MVB12A: variants seen among roughly 807,000 people sequenced by gnomAD.
MVB12A encodes the protein CIN85/CD2AP family binding protein.
In MVB12A, 30 loss-of-function variants were observed where a neutral mutation model predicts 34.3. That is an observed-to-expected ratio of 0.88 (90% CI 0.65 to 1.19). MVB12A has a LOEUF of 1.19. Among genes scored for constraint, MVB12A ranks in the 50% most tolerant of loss-of-function variants. The pLI, the probability that MVB12A is intolerant of heterozygous loss-of-function variation, is 0.00. For missense variants in MVB12A, 355 were observed against 369.2 expected (o/e 0.96, Z 0.31); for synonymous variants, 158 against 158.9 (o/e 0.99, Z 0.04).
At chr19:17,411,255 C>T (rs1403920762) in intron 2 of MVB12A, among the ~76,000 whole-genome samples, 7 of 152,044 alleles carry the variant, frequency 4.6e-5, no homozygotes, top group South Asian at 2.1e-4. Flanking sequence ...CGTGAGCCAC[C>T]GTGCCCGGCC....
At chr19:17,420,031 T>A (rs1205209137), upstream of MVB12A, 20 of 209,462 alleles carry the variant, frequency 9.5e-5, no homozygotes, top group East Asian at 2.3e-4. Flanking sequence ...CCCCCCCGCA[T>A]GGCCTTCTGG....
chr19:17,410,528 A>G (rs1171207683), intron 2 of MVB12A, among the ~76,000 whole-genome samples: 1 of 121,040 alleles, frequency 8.3e-6, no homozygotes, highest in Non-Finnish European at 1.6e-5. Flanking sequence ...ATATATATAT[A>G]TACACACACA....
upstream of MVB12A, chr19:17,418,887 C>CGAAAAAAAAAA (rs2074818429): frequency 1.5e-4 from 12 of 82,144 alleles, 1 homozygote; most frequent in African/African-American, 5.1e-4. Flanking sequence ...ATTGTAAGTC[C>CGAAAAAAAAAA]AAAAAAAAAA....
chr19:17,421,271 G>A (rs1487171190), intron 3 of MVB12A: 6 of 338,240 alleles, frequency 1.8e-5, no homozygotes, highest in East Asian at 1.7e-4. Flanking sequence ...CACAACCTCC[G>A]ACTCCCGGGT....
At position 17,425,275 on chromosome 19, in the gene MVB12A, T is replaced by G; in HGVS notation, c.*282T>G. On this transcript the variant is annotated 3_prime_UTR_variant, in exon 9 of 9. Transcript: ENST00000317040. The stretch of plus-strand genomic sequence containing the variant: ...TTAAGTCATTTGTGTCAAAACCCTC[T>G]GGGGTCCGGAGGCTGTGCGGGTGTC... The G allele has an allele frequency of 2.3e-6, 1 of 435,506 alleles. No homozygotes were observed. Among genetic ancestry groups the G allele is most frequent in the East Asian group, 3.9e-5 (1 of 25,802 alleles). The allele number at this position is 435,506 out of a possible 1,614,324, so 27.0% of individuals were successfully genotyped here.
At chr19:17,419,912 A>C (rs2074824625), upstream of MVB12A, 2 of 392,604 alleles carry the variant, frequency 5.1e-6, no homozygotes, top group Non-Finnish European at 9.0e-6. Flanking sequence ...ATCATCGCTC[A>C]CGCGCGCAAC....
At chr19:17,423,964 G>T in intron 6 of MVB12A, 42 bp from the exon 7 acceptor site, 2 of 1,609,772 alleles carry the variant, frequency 1.2e-6, no homozygotes, top group Non-Finnish European at 8.5e-7. Context: ...GGGGTGGGCA[G>T]TTCCCTACAC....
Position 17,422,676 on chromosome 19 carries a change from C to T in MVB12A, c.413+218C>T, listed in dbSNP as rs144047700. On this transcript the variant is annotated intron_variant, in intron 4 of 8. Transcript: ENST00000317040. ...CTAAAGTAGACATAACAGGACTGGGCGCGGTGGCTCACGCCTGTAATCCCA... is the reference window on the plus strand; with the variant it reads ...CTAAAGTAGACATAACAGGACTGGGTGCGGTGGCTCACGCCTGTAATCCCA... The T allele has an allele frequency of 6.8e-5, 23 of 338,230 alleles. 1 individual carries two copies. In the East Asian group the frequency reaches 7.7e-4, roughly 11 times the overall value. 21.0% of individuals were successfully genotyped at this position (338,230 alleles called of 1,614,324 possible).
At chr19:17,419,874 G>C, upstream of MVB12A, 1 of 341,944 alleles carries the variant, frequency 2.9e-6, no homozygotes, top group Non-Finnish European at 5.3e-6. Context: ...GCTGGGCGCG[G>C]AAAGCCGGCA....
At chr19:17,419,818 A>C (rs569529509), upstream of MVB12A, 443 of 216,034 alleles carry the variant, frequency 2.1e-3, 1 homozygote, top group Middle Eastern at 0.014. Flanking sequence ...AGACTTGCAG[A>C]GAACGAGTCT....
upstream of MVB12A, chr19:17,420,015 G>GCTC (rs78317484): frequency 1.2e-4 from 27 of 225,226 alleles, no homozygotes; most frequent in African/African-American, 1.1e-3. Context: ...GGCAATCTCC[G>GCTC]CCCCCCCCCC....
intron 2 of MVB12A, among the ~76,000 whole-genome samples, chr19:17,410,497 C>CATATAT (rs373127253): frequency 0.036 from 2,809 of 77,314 alleles, 107 homozygotes; most frequent in Non-Finnish European, 0.05. Flanking sequence ...GTTTTAGCTT[C>CATATAT]ATATATATAT....
At chr19:17,422,205 C>T in intron 3 of MVB12A, 127 bp from the exon 4 acceptor site, 1 of 768,766 alleles carries the variant, frequency 1.3e-6, no homozygotes, top group Non-Finnish European at 2.1e-6. Flanking sequence ...CCTCCCACCC[C>T]CATCCCCAAT....
In MVB12A at chr19:17,420,623, C is replaced by A; in HGVS notation, c.275C>A (p.Pro92His). ...CTGGGCTTCTCCCCCGTCTGCGACC[C>A]CATGGATTCCAGTAAGGGCTGCTTC... Reference protein sequence around the residue: ...LPLGFSPVCDPMDSKASVSKK... With the variant: ...LPLGFSPVCDHMDSKASVSKK... The change falls in exon 3 of 9, where the codon CCC (proline) becomes CAC (histidine). Residue 92 changes from proline to histidine, a missense_variant. Transcript: ENST00000317040. 6.2e-7 allele frequency: 1 copy of A among 1,611,396 alleles called. No individual in the cohort carries two copies. The highest frequency in any genetic ancestry group is 8.5e-7 in the Non-Finnish European group (1 of 1,177,538).
chr19:17,417,830 A>G, upstream of MVB12A: 1 of 319,036 alleles, frequency 3.1e-6, no homozygotes. Context: ...ACTGTCTTCC[A>G]ACTCTCAGAA....
chr19:17,424,796 C>T, intron 8 of MVB12A, 119 bp downstream of exon 8: 18 of 1,377,184 alleles, frequency 1.3e-5, no homozygotes, highest in Non-Finnish European at 1.8e-5. Context: ...CGCTTTGCCC[C>T]AGACACACAC....
At chr19:17,406,913 G>A (rs543371332) in intron 2 of MVB12A, among the ~76,000 whole-genome samples, 1 of 152,282 alleles carries the variant, frequency 6.6e-6, no homozygotes, top group South Asian at 2.1e-4. Context: ...CCCAGGAGGA[G>A]GGACCTACCA....
At position 17,425,202 on chromosome 19, in the gene MVB12A, CCCCACGCCCTGCCGGGCAGG is replaced by C; in HGVS notation, c.*210_*229del. 1 of 531,418 alleles carries C rather than the reference CCCCACGCCCTGCCGGGCAGG, an allele frequency of 1.9e-6. No individual in the cohort carries two copies. The highest frequency in any genetic ancestry group is 3.3e-6 in the Non-Finnish European group (1 of 301,752). 32.9% of individuals were successfully genotyped at this position (531,418 alleles called of 1,614,324 possible). ...GGCTGCGTGGTGATGGGGTCTCCGCCCCCACGCCCTGCCGGGCAGGGCTGGAGCTGGACAGAAGCCAGTGC... is the reference window on the plus strand; with the variant it reads ...GGCTGCGTGGTGATGGGGTCTCCGCCGCTGGAGCTGGACAGAAGCCAGTGC... On this transcript the variant is annotated 3_prime_UTR_variant, in exon 9 of 9. Coordinates refer to ENST00000317040, the MANE Select transcript of MVB12A (RefSeq NM_138401.4).
chr19:17,417,213 C>CTTT (rs35583565), upstream of MVB12A: 3,976 of 96,646 alleles, frequency 0.041, 871 homozygotes, highest in African/African-American at 0.068. Flanking sequence ...TCACCCAGAG[C>CTTT]TTTTTTTTTT....
Sources: allele counts gnomAD v4.1 joint callset (sites outside exome capture counted in the v4.1 genomes callset), GRCh38; gene constraint gnomAD v4.1.1; transcripts MANE v1.5; gene names NCBI Gene and HGNC (gene_info 2026-07-23, HGNC 2026-07-21).